DLG2: variants seen among roughly 807,000 people sequenced by gnomAD.
The protein encoded by DLG2 is discs large MAGUK scaffold protein 2.
A neutral mutation model predicts 132.5 loss-of-function variants in DLG2; 45 were observed. That is an observed-to-expected ratio of 0.34 (90% CI 0.27 to 0.44). The LOEUF (loss-of-function observed/expected upper bound fraction) is 0.44, where lower values mean the gene tolerates loss of function less well. Among genes scored for constraint, DLG2 ranks in the 20% least tolerant of loss-of-function variants. The pLI is 1.00. For missense variants in DLG2, 1,045 were observed against 1,196.9 expected, an observed-to-expected ratio of 0.87 and a Z score of 1.87; for synonymous variants, 424 against 419.6, an observed-to-expected ratio of 1.01 and a Z score of -0.13.
chr11:84,854,044 T>G (rs534145611), intron 6 of DLG2, among the ~76,000 whole-genome samples: 5 of 152,156 alleles, frequency 3.3e-5, no homozygotes, highest in Admixed American at 3.3e-4. Context: ...CCTAGTTTGC[T>G]ACAGACTCAT....
intron 18 of DLG2, among the ~76,000 whole-genome samples, chr11:83,670,678 C>T (rs2076687611): frequency 6.6e-6 from 1 of 151,864 alleles, no homozygotes; most frequent in South Asian, 2.1e-4. Flanking sequence ...CTCTTGGGAA[C>T]ATCATGAATG....
At chr11:83,469,099 C>T in intron 25 of DLG2, 102 bp downstream of exon 25, 1 of 809,428 alleles carries the variant, frequency 1.2e-6, no homozygotes, top group Non-Finnish European at 1.9e-6. Flanking sequence ...TCAAAATTTA[C>T]AATTGCAATC....
intron 4 of DLG2, among the ~76,000 whole-genome samples, chr11:85,215,773 C>T (rs1017387467): frequency 4.6e-5 from 7 of 152,190 alleles, no homozygotes; most frequent in East Asian, 1.9e-4. Flanking sequence ...TTCCTACCAC[C>T]CCTTTGAATT....
At chr11:83,935,066 T>C (rs2081161187) in intron 14 of DLG2, among the ~76,000 whole-genome samples, 1 of 152,224 alleles carries the variant, frequency 6.6e-6, no homozygotes, top group African/African-American at 2.4e-5. Context: ...GTTATCCTGC[T>C]ATGGTTTTCT....
intron 9 of DLG2, among the ~76,000 whole-genome samples, chr11:84,162,177 G>T (rs74858349): frequency 6.6e-6 from 1 of 151,964 alleles, no homozygotes; most frequent in African/African-American, 2.4e-5. Flanking sequence ...TGTGGTATGC[G>T]TTTATCATAG....
intron 6 of DLG2, chr11:84,687,004 A>G (rs941739473): frequency 2.6e-5 from 4 of 151,802 alleles, no homozygotes; most frequent in Non-Finnish European, 5.9e-5. Context: ...GCTGTGGTTA[A>G]TCTGTAGATT....
At chr11:84,802,639 CAAA>C (rs1295934007) in intron 6 of DLG2, among the ~76,000 whole-genome samples, 4 of 88,044 alleles carry the variant, frequency 4.5e-5, no homozygotes, top group Non-Finnish European at 4.6e-5. Context: ...AACAAGTCAG[CAAA>C]AAAAAAAAAA....
chr11:85,606,548 A>G (rs1245640112), intron 2 of DLG2, among the ~76,000 whole-genome samples: 5 of 152,192 alleles, frequency 3.3e-5, no homozygotes, highest in Non-Finnish European at 7.3e-5. Context: ...AAAATGGACC[A>G]ATCAGCAGGA....
intron 3 of DLG2, among the ~76,000 whole-genome samples, chr11:85,576,449 C>T (rs1043196064): frequency 6.6e-6 from 1 of 152,156 alleles, no homozygotes; most frequent in Non-Finnish European, 1.5e-5. Flanking sequence ...AAAATTTCTA[C>T]TGAATTAACT....
At chr11:85,572,649 AC>A (rs1261141055) in intron 3 of DLG2, among the ~76,000 whole-genome samples, 1 of 152,174 alleles carries the variant, frequency 6.6e-6, no homozygotes. Context: ...TGGGAAGCCC[AC>A]CCACAATTTT....
intron 10 of DLG2, among the ~76,000 whole-genome samples, chr11:84,091,842 C>T (rs1342314769): frequency 6.6e-6 from 1 of 152,146 alleles, no homozygotes; most frequent in African/African-American, 2.4e-5. Flanking sequence ...ATGTAGCAAT[C>T]TGCAGAAATC....
intron 7 of DLG2, among the ~76,000 whole-genome samples, chr11:84,519,772 T>C (rs998460728): frequency 6.6e-6 from 1 of 152,168 alleles, no homozygotes; most frequent in Admixed American, 6.5e-5. Context: ...ATAGGAATCA[T>C]AGTTTCTCAG....
At chr11:85,539,192 T>C (rs1295488143) in intron 3 of DLG2, among the ~76,000 whole-genome samples, 2 of 151,754 alleles carry the variant, frequency 1.3e-5, no homozygotes, top group African/African-American at 4.9e-5. Context: ...GATCATTCCC[T>C]TTTTTTATCC....
intron 6 of DLG2, among the ~76,000 whole-genome samples, chr11:84,565,430 C>G (rs1330180955): frequency 2.0e-5 from 3 of 152,120 alleles, no homozygotes; most frequent in African/African-American, 7.2e-5. Context: ...CCTCATGGAA[C>G]TTTCAAAGTT....
intron 6 of DLG2, among the ~76,000 whole-genome samples, chr11:85,068,752 A>C (rs887111240): frequency 6.6e-6 from 1 of 152,180 alleles, no homozygotes; most frequent in Non-Finnish European, 1.5e-5. Context: ...ATTCAATGCC[A>C]TCCCCATCAA....
chr11:84,645,089 C>T (rs1289063076), intron 6 of DLG2, among the ~76,000 whole-genome samples: 1 of 152,186 alleles, frequency 6.6e-6, no homozygotes, highest in Non-Finnish European at 1.5e-5. Flanking sequence ...CCTACAGGCA[C>T]TCCTACTTTC....
At position 84,522,196 on chromosome 11, in the gene DLG2, A is replaced by T. The variant is rs1005745769; in HGVS notation, c.519+12374T>A. Among the ~76,000 whole-genome samples the T allele has an allele frequency of 1.6e-4, 24 of 151,876 alleles. 1 individual carries two copies. The South Asian group carries it at 5.0e-3, about 32-fold the overall frequency. The stretch of plus-strand genomic sequence containing the variant: ...AACGAACAAACAAAAAAAAAAAAAG[A>T]AAAGAAAAGAAAAAATTTATTCACA... On this transcript the variant is annotated intron_variant, in intron 7 of 27. Transcript: ENST00000376104.
chr11:83,886,550 G>A (rs865915411), intron 15 of DLG2, among the ~76,000 whole-genome samples: 2 of 152,194 alleles, frequency 1.3e-5, no homozygotes, highest in Middle Eastern at 6.8e-3. Context: ...GAGACAGAAA[G>A]TTAAAAAGGA....
intron 3 of DLG2, among the ~76,000 whole-genome samples, chr11:85,553,662 A>T (rs2076788028): frequency 6.6e-6 from 1 of 151,698 alleles, no homozygotes; most frequent in African/African-American, 2.4e-5. Flanking sequence ...AATAATCAAC[A>T]TTCCTTTCAT....
Sources: allele counts gnomAD v4.1 joint callset (sites outside exome capture counted in the v4.1 genomes callset), GRCh38; gene constraint gnomAD v4.1.1; transcripts MANE v1.5; gene names NCBI Gene and HGNC (gene_info 2026-07-23, HGNC 2026-07-21).